Variants in MYLK3 observed in about 807,000 individuals in gnomAD.
MYLK3 encodes myosin light chain kinase 3, also known as MLC kinase.
In MYLK3, 55 loss-of-function variants were observed where a neutral mutation model predicts 76.3. The ratio of observed to expected loss-of-function variants is 0.72; its 90% CI spans 0.58 to 0.90. The LOEUF (loss-of-function observed/expected upper bound fraction) is 0.90, where lower values mean the gene tolerates loss of function less well. Ranked by LOEUF, MYLK3 falls within the 40% of genes least tolerant of loss-of-function variation. MYLK3 has a pLI of 0.00. For synonymous variants in MYLK3, 416 were observed against 425.4 expected (o/e 0.98, Z 0.27); for missense variants, 973 against 1,053.6 (o/e 0.92, Z 1.06).
intron 9 of MYLK3, 41 bp downstream of exon 9, chr16:46,721,082 C>T (rs1312700369): frequency 1.9e-6 from 3 of 1,567,916 alleles, no homozygotes; most frequent in Non-Finnish European, 2.6e-6. Flanking sequence ...ACAAAGAGTC[C>T]CAAGGAATTT....
rs1449747554 is a variant in MYLK3 at position 46,721,114 on chromosome 16, C to T, written c.1985+9G>A. On this transcript the variant is annotated intron_variant, in intron 9 of 12. Transcript: ENST00000394809. ...ATTTTGTTAAGGTATCTAAATAAAA[C>T]CCCCTTACCTTCTGGCCAGCCCAAA... is the stretch of plus-strand genomic sequence containing the variant. 1 of 1,613,026 alleles carries T rather than the reference C, an allele frequency of 6.2e-7. No individual in the cohort carries two copies. The highest frequency in any genetic ancestry group is 1.3e-5 in the African/African-American group (1 of 74,902).
intron 1 of MYLK3, among the ~76,000 whole-genome samples, chr16:46,762,156 A>C (rs1967284794): frequency 2.0e-5 from 3 of 152,180 alleles, no homozygotes; most frequent in Admixed American, 6.5e-5. Context: ...AAAGGCAAAA[A>C]TCTCTAAGGA....
chr16:46,757,447 G>T (rs752179409), intron 1 of MYLK3: 55 of 985,298 alleles, frequency 5.6e-5, no homozygotes, highest in Non-Finnish European at 6.3e-5. Context: ...GTAACCCGAC[G>T]CCCGCTGCTG....
In MYLK3 at chr16:46,703,385, G is replaced by A. The variant is rs1407493028; in HGVS notation, c.*4319C>T. ...AAAATTTCTGGATGAAAGAAAGCAT[G>A]GGAATGACTTTTATTTGGATACATA... is the stretch of plus-strand genomic sequence containing the variant. On this transcript the variant is annotated 3_prime_UTR_variant, in exon 13 of 13. Coordinates refer to ENST00000394809, the MANE Select transcript of MYLK3 (RefSeq NM_182493.3). The A allele has an allele frequency of 6.6e-6, 1 of 152,232 alleles. No individual in the cohort carries two copies. The allele number at this position is 152,232 out of a possible 1,614,324, so 9.4% of individuals were successfully genotyped here.
rs35547358 is a variant in MYLK3 at position 46,705,970 on chromosome 16, C to CA, written c.*1733dup. On this transcript the variant is annotated 3_prime_UTR_variant, in exon 13 of 13. Transcript: ENST00000394809. The stretch of plus-strand genomic sequence containing the variant: ...TGGGCAACAGAGTGAGACCCTGTCT[C>CA]AAAAAAAAAAAAAAGTGTTAGTTGC... 1,205 of 126,376 alleles carry CA rather than the reference C, an allele frequency of 9.5e-3. 15 individuals are homozygous for CA. Among genetic ancestry groups the CA allele is most frequent in the African/African-American group, 0.027 (934 of 34,064 alleles). The allele number at this position is 126,376 out of a possible 1,614,324, so 7.8% of individuals were successfully genotyped here.
rs140981649 is a variant in MYLK3 at position 46,711,715 on chromosome 16, C to T, written c.2115-926G>A. 2,235 of 383,048 alleles carry T rather than the reference C, an allele frequency of 5.8e-3. 9 individuals carry two copies. The highest frequency in any genetic ancestry group is 8.8e-3 in the Non-Finnish European group (1,715 of 194,756). The allele number at this position is 383,048 out of a possible 1,614,324, so 23.7% of individuals were successfully genotyped here. A position where few individuals can be genotyped will look rare whatever the true frequency, so the allele number is the denominator to read the frequency against. On this transcript the variant is annotated intron_variant, in intron 10 of 12. Transcript: ENST00000394809. ...TGTCTTTGCTGGAGGGCTTTCTCTC[C>T]AGCTGAAGCTTGCTTTACCCACCCA...
chr16:46,754,251 C>A (rs535303978), intron 1 of MYLK3, among the ~76,000 whole-genome samples: 2 of 151,208 alleles, frequency 1.3e-5, no homozygotes, highest in South Asian at 4.2e-4. Flanking sequence ...ATACTACAGT[C>A]ATTATGCAAT....
intron 1 of MYLK3, chr16:46,757,327 G>A (rs910605713): frequency 6.2e-6 from 6 of 969,376 alleles, no homozygotes; most frequent in Admixed American, 1.2e-4. Context: ...CCAGGACCGG[G>A]GAACAACTGT....
At chr16:46,709,713 C>G (rs1309169587) in intron 11 of MYLK3, 42 bp from the exon 12 acceptor site, 7 of 1,597,192 alleles carry the variant, frequency 4.4e-6, no homozygotes, top group South Asian at 2.3e-5. Flanking sequence ...GTTGGAGTTG[C>G]CTTTTCTCAT....
At position 46,732,500 on chromosome 16, in the gene MYLK3, T is replaced by A; in HGVS notation, c.1170A>T (p.Gly390=). ...RCLQAPGTEP[G]EQTPEGAREL... The stretch of plus-strand genomic sequence containing the variant: ...CTCTGGCTCCTTCAGGGGTCTGTTC[T>A]CCGGGCTCAGTCCCAGGGGCTTGGA... The change falls in exon 4 of 13, where the codon GGA becomes GGT. Residue 390 remains glycine (G), a synonymous_variant. Coordinates refer to ENST00000394809, the MANE Select transcript of MYLK3 (RefSeq NM_182493.3). 1 of 1,607,484 alleles carries A rather than the reference T, an allele frequency of 6.2e-7. No homozygotes were observed. The highest frequency in any genetic ancestry group is 1.7e-4 in the Middle Eastern group (1 of 6,058).
intron 1 of MYLK3, among the ~76,000 whole-genome samples, chr16:46,746,840 G>T (rs1446704545): frequency 2.6e-5 from 4 of 152,194 alleles, no homozygotes; most frequent in Non-Finnish European, 5.9e-5. Flanking sequence ...CTCTGAAGGA[G>T]CTGCAGGGCA....
rs1966603764 is a variant in MYLK3 at position 46,704,203 on chromosome 16, G to C, written c.*3501C>G. 2 of 152,176 alleles carry C rather than the reference G, an allele frequency of 1.3e-5. No individual in the cohort carries two copies. 9.4% of individuals were successfully genotyped at this position (152,176 alleles called of 1,614,324 possible). Reference sequence around the variant, plus strand: ...CAGCTCACTGCAACCCCTGCCTCCTGTTTAAGTGATTCTTGTGCCTTAGCC... The same window carrying C: ...CAGCTCACTGCAACCCCTGCCTCCTCTTTAAGTGATTCTTGTGCCTTAGCC... On this transcript the variant is annotated 3_prime_UTR_variant, in exon 13 of 13. Coordinates refer to ENST00000394809, the MANE Select transcript of MYLK3 (RefSeq NM_182493.3).
Position 46,719,622 on chromosome 16 carries a change from G to A in MYLK3, c.1985+1501C>T, listed in dbSNP as rs530089228. The stretch of plus-strand genomic sequence containing the variant: ...TATCTGTGAAGAGAGTAGGGTGATG[G>A]TGAAGGGAGCCACTGAGTGGGGTGC... On this transcript the variant is annotated intron_variant, in intron 9 of 12. Coordinates refer to ENST00000394809, the MANE Select transcript of MYLK3 (RefSeq NM_182493.3). 8.5e-5 allele frequency among the ~76,000 whole-genome samples: 13 copies of A among 152,344 alleles called. No homozygotes were observed. The South Asian group carries it at 2.7e-3, about 32-fold the overall frequency.
At chr16:46,754,848 T>C (rs1263282354) in intron 1 of MYLK3, among the ~76,000 whole-genome samples, 1 of 151,720 alleles carries the variant, frequency 6.6e-6, no homozygotes, top group Non-Finnish European at 1.5e-5. Flanking sequence ...TACACCACCA[T>C]CAGAGAACAA....
upstream of MYLK3, among the ~76,000 whole-genome samples, chr16:46,751,626 C>CA (rs1293607481): frequency 3.3e-5 from 5 of 152,132 alleles, no homozygotes; most frequent in African/African-American, 1.2e-4. Flanking sequence ...GAGGAGGCAG[C>CA]AGGCGGCTGA....
intron 1 of MYLK3, among the ~76,000 whole-genome samples, chr16:46,761,642 C>G (rs1448073060): frequency 6.6e-6 from 1 of 151,784 alleles, no homozygotes; most frequent in African/African-American, 2.4e-5. Flanking sequence ...CATGGCGAAA[C>G]CCGGTCTCTA....
chr16:46,762,247 A>G (rs1967286822), intron 1 of MYLK3, among the ~76,000 whole-genome samples: 1 of 152,224 alleles, frequency 6.6e-6, no homozygotes. Flanking sequence ...TTGAAAATAT[A>G]CATGTATGTA....
intron 12 of MYLK3, 135 bp from the exon 13 acceptor site, chr16:46,707,898 A>T: frequency 1.9e-6 from 1 of 539,370 alleles, no homozygotes; most frequent in South Asian, 2.9e-5. Context: ...AAGGGAAACA[A>T]GTTTCTAAAA....
At chr16:46,748,835 T>C (rs1366216437), upstream of MYLK3, among the ~76,000 whole-genome samples, 2 of 152,190 alleles carry the variant, frequency 1.3e-5, no homozygotes, top group African/African-American at 4.8e-5. This position sits in a 1 kb window ranked among gnomAD's most constrained non-coding sequence, Gnocchi z 4.3. Flanking sequence ...GTTTAGACTG[T>C]CTGTGGGGTG....
Sources: gnomAD v4.1 joint callset for allele counts (sites outside exome capture counted in the v4.1 genomes callset) on GRCh38, gnomAD v4.1.1 for gene constraint, Gnocchi (gnomAD v3.1) non-coding constraint, MANE v1.5 for transcripts, NCBI Gene and HGNC (gene_info 2026-07-23, HGNC 2026-07-21) for gene names.